The following SNRPN variants were observed in gnomAD, a reference collection of about 807,000 sequenced individuals.
SNRPN encodes the protein small nuclear ribonucleoprotein-associated protein N.
A neutral mutation model predicts 25.2 loss-of-function variants in SNRPN; 7 were observed. The ratio of observed to expected loss-of-function variants is 0.28; its 90% CI spans 0.16 to 0.52. The LOEUF is 0.52. SNRPN is among the 20% of genes least tolerant of loss of function. The pLI, the probability that SNRPN is intolerant of heterozygous loss-of-function variation, is 0.96. For synonymous variants in SNRPN, 124 were observed against 110.6 expected (o/e 1.12, Z -0.76); for missense variants, 196 against 322.5 (o/e 0.61, Z 3.00).
Position 24,946,453 on chromosome 15 carries a change from G to A in SNRPN, c.-390-15661G>A, listed in dbSNP as rs748914197. Among the ~76,000 whole-genome samples the A allele has an allele frequency of 1.8e-4, 28 of 151,592 alleles. 1 individual carries two copies. Among genetic ancestry groups the A allele is most frequent in the Non-Finnish European group, 2.9e-5 (2 of 67,974 alleles). ...ATGGAAATGAAATAGTAACTCACAC[G>A]GTTTTTTTGTTTTGTTTTGTTTTTT... On this transcript the variant is annotated intron_variant, in intron 3 of 11. Coordinates refer to the SNRPN transcript ENST00000400097.
At chr15:24,834,751 C>CTCTCTCTCTCTCTCTATCTA in intron 2 of SNRPN, among the ~76,000 whole-genome samples, 1 of 60,956 alleles carries the variant, frequency 1.6e-5, no homozygotes, top group African/African-American at 5.9e-5. Flanking sequence ...CTCTCTCTCT[C>CTCTCTCTCTCTCTCTATCTA]TATATATATA....
At chr15:24,964,797 C>G (rs1486534458) in intron 2 of SNRPN, among the ~76,000 whole-genome samples, 4 of 152,076 alleles carry the variant, frequency 2.6e-5, no homozygotes, top group Admixed American at 6.6e-5. Context: ...TCAGTGTGGA[C>G]TAAATAACAG....
chr15:24,951,444 T>G (rs1476246416), upstream of SNRPN, among the ~76,000 whole-genome samples: 1 of 152,174 alleles, frequency 6.6e-6, no homozygotes. Flanking sequence ...CATTGGTATT[T>G]AAGAACTATT....
intron 2 of SNRPN, among the ~76,000 whole-genome samples, chr15:24,831,848 T>A (rs192314304): frequency 6.6e-6 from 1 of 152,204 alleles, no homozygotes; most frequent in Non-Finnish European, 1.5e-5. Context: ...GCATATACAC[T>A]GCATTCTTTT....
intron 3 of SNRPN, among the ~76,000 whole-genome samples, chr15:24,949,390 C>T (rs2062094157): frequency 6.6e-6 from 1 of 152,128 alleles, no homozygotes; most frequent in African/African-American, 2.4e-5. Flanking sequence ...TGCCTCATGT[C>T]TGCAATCCCA....
chr15:24,967,855 C>A, intron 2 of SNRPN, 77 bp from the exon 3 acceptor site: 2 of 1,122,010 alleles, frequency 1.8e-6, no homozygotes, highest in Middle Eastern at 2.1e-4. Context: ...TGTAAGGGTA[C>A]CTAGTTTTCT....
intron 3 of SNRPN, among the ~76,000 whole-genome samples, chr15:24,932,616 T>A (rs1039777878): frequency 2.0e-5 from 3 of 151,870 alleles, no homozygotes; most frequent in Admixed American, 1.3e-4. Context: ...ATAATGTGTA[T>A]TCCACCAATA....
chr15:24,858,405 T>G (rs1047558436), intron 1 of SNRPN, among the ~76,000 whole-genome samples: 5 of 152,096 alleles, frequency 3.3e-5, no homozygotes, highest in Non-Finnish European at 7.3e-5. Context: ...CAAAGATGGT[T>G]TCAAATTGAT....
At chr15:24,886,868 A>T (rs2057243950) in intron 2 of SNRPN, among the ~76,000 whole-genome samples, 1 of 152,074 alleles carries the variant, frequency 6.6e-6, no homozygotes, top group Admixed American at 6.6e-5. Flanking sequence ...CTAATGTTAC[A>T]TTTCTTCTTC....
At chr15:24,902,123 A>G (rs1451286373) in intron 2 of SNRPN, among the ~76,000 whole-genome samples, 1 of 152,224 alleles carries the variant, frequency 6.6e-6, no homozygotes, top group African/African-American at 2.4e-5. Context: ...ATTTTTGTGA[A>G]CAAAATTTGA....
chr15:24,893,244 A>G (rs754067972), intron 2 of SNRPN, among the ~76,000 whole-genome samples: 2 of 151,546 alleles, frequency 1.3e-5, no homozygotes, highest in Non-Finnish European at 2.9e-5. Flanking sequence ...AAAACAGAAA[A>G]GAAGAAAAGA....
chr15:24,828,478 C>T (rs922063039), intron 1 of SNRPN, among the ~76,000 whole-genome samples: 5 of 152,002 alleles, frequency 3.3e-5, no homozygotes, highest in African/African-American at 1.2e-4. Flanking sequence ...ACCCGGGAGG[C>T]GGAGCTTGCT....
At chr15:24,949,481 C>G (rs1315579184) in intron 3 of SNRPN, among the ~76,000 whole-genome samples, 1 of 116,578 alleles carries the variant, frequency 8.6e-6, no homozygotes, top group Non-Finnish European at 1.7e-5. Context: ...TAGACCAGGT[C>G]TCTACAAAAA....
intron 1 of SNRPN, among the ~76,000 whole-genome samples, chr15:24,956,352 A>G (rs1596160842): frequency 4.1e-5 from 3 of 72,446 alleles, no homozygotes; most frequent in Non-Finnish European, 9.1e-5. Flanking sequence ...CAAGCGCTTC[A>G]GCGGGGGGGT....
chr15:24,974,482 T>C (rs1235018730), intron 4 of SNRPN, 26 bp downstream of exon 4: 1 of 1,611,502 alleles, frequency 6.2e-7, no homozygotes. Flanking sequence ...AGGCTGAGGG[T>C]TGAAATGTGC....
intron 3 of SNRPN, among the ~76,000 whole-genome samples, chr15:24,920,860 G>T (rs985726575): frequency 6.6e-6 from 1 of 152,230 alleles, no homozygotes; most frequent in Non-Finnish European, 1.5e-5. Flanking sequence ...GTGAAGCGAA[G>T]CTCAGACATC....
chr15:24,855,240 T>TA (rs2053278858), upstream of SNRPN, among the ~76,000 whole-genome samples: 1 of 152,228 alleles, frequency 6.6e-6, no homozygotes, highest in African/African-American at 2.4e-5. Flanking sequence ...TATCAGCAAA[T>TA]ACTACATTCA....
intron 2 of SNRPN, among the ~76,000 whole-genome samples, chr15:24,834,756 T>TATAC: frequency 1.2e-5 from 1 of 86,886 alleles, no homozygotes; most frequent in Non-Finnish European, 2.1e-5. Flanking sequence ...TCTCTCTATA[T>TATAC]ATATATATAT....
chr15:24,965,176 C>T (rs1453775729), intron 2 of SNRPN, among the ~76,000 whole-genome samples: 1 of 152,160 alleles, frequency 6.6e-6, no homozygotes, highest in Non-Finnish European at 1.5e-5. Context: ...CTCCTACTTC[C>T]TACCAAATCA....
Sources: gnomAD v4.1 joint callset for allele counts (sites outside exome capture counted in the v4.1 genomes callset) on GRCh38, gnomAD v4.1.1 for gene constraint, MANE v1.5 for transcripts, NCBI Gene and HGNC (gene_info 2026-07-23, HGNC 2026-07-21) for gene names.